The following GABRG1 variants were observed in gnomAD, a reference collection of about 807,000 sequenced individuals.
GABRG1 encodes gamma-aminobutyric acid type A receptor subunit gamma1.
Under a neutral mutation model 49.8 loss-of-function variants are expected in GABRG1, and 49 were observed. The observed-to-expected ratio is 0.98, with a 90% CI of 0.78 to 1.25. GABRG1 has a LOEUF of 1.25. Ranked by LOEUF, GABRG1 falls within the 50% of genes most tolerant of loss-of-function variation. The probability of loss-of-function intolerance (pLI) is 0.00; values close to 1 mark genes in which losing one functional copy is unlikely to be tolerated. For synonymous variants in GABRG1, 232 were observed against 185.1 expected (o/e 1.25, Z -2.06); for missense variants, 552 against 552.3 (o/e 1.00, Z 0.01).
intron 3 of GABRG1, among the ~76,000 whole-genome samples, chr4:46,073,827 C>T (rs375241505): frequency 1.3e-5 from 2 of 152,066 alleles, no homozygotes; most frequent in African/African-American, 4.8e-5. Context: ...TAACAAAATA[C>T]TGTACTGAAA....
At chr4:46,043,971 G>C (rs1382532392) in intron 8 of GABRG1, among the ~76,000 whole-genome samples, 1 of 151,642 alleles carries the variant, frequency 6.6e-6, no homozygotes, top group East Asian at 1.9e-4. Flanking sequence ...TATACCATCT[G>C]CTAAAATTAT....
At chr4:46,095,667 T>C (rs1720141660) in intron 2 of GABRG1, among the ~76,000 whole-genome samples, 1 of 151,774 alleles carries the variant, frequency 6.6e-6, no homozygotes, top group South Asian at 2.1e-4. Flanking sequence ...AAAACATAAA[T>C]TGAGGATTTT....
rs183032703 is a variant in GABRG1, at chr4:46,064,666, A to G, written c.543-143T>C. ...ATATAATAATGATTCTAAAGTCTCA[A>G]AGTCTTAAATAGCAATAATATTATA... On this transcript the variant is annotated intron_variant, in intron 4 of 8. Coordinates refer to ENST00000295452, the MANE Select transcript of GABRG1 (RefSeq NM_173536.4). 7.7e-4 allele frequency: 312 copies of G among 406,490 alleles called. 2 individuals are homozygous for G. The highest frequency in any genetic ancestry group is 5.9e-3 in the African/African-American group (283 of 48,086). 25.2% of individuals were successfully genotyped at this position (406,490 alleles called of 1,614,324 possible).
intron 3 of GABRG1, among the ~76,000 whole-genome samples, chr4:46,077,938 C>T (rs1258149445): frequency 6.6e-6 from 1 of 151,484 alleles, no homozygotes; most frequent in Non-Finnish European, 1.5e-5. Flanking sequence ...TCAATGAACA[C>T]ACTGGATAAA....
intron 1 of GABRG1, among the ~76,000 whole-genome samples, chr4:46,108,361 C>T (rs1437344375): frequency 6.6e-6 from 1 of 151,010 alleles, no homozygotes; most frequent in African/African-American, 2.4e-5. Context: ...TTTTGCACAG[C>T]CACTTGAACT....
chr4:46,103,659 T>A (rs749593562), intron 1 of GABRG1, among the ~76,000 whole-genome samples: 16 of 151,392 alleles, frequency 1.1e-4, no homozygotes, highest in Admixed American at 2.0e-4. Context: ...AAAAAATAAA[T>A]AAATATGTTC....
At chr4:46,060,126 G>A (rs997520658) in intron 5 of GABRG1, among the ~76,000 whole-genome samples, 4 of 152,018 alleles carry the variant, frequency 2.6e-5, no homozygotes, top group Middle Eastern at 3.2e-3. Context: ...CTTTTTGAAC[G>A]AACCAAGTGA....
At chr4:46,047,224 T>C (rs1247339607) in intron 8 of GABRG1, among the ~76,000 whole-genome samples, 1 of 152,108 alleles carries the variant, frequency 6.6e-6, no homozygotes, top group East Asian at 1.9e-4. Flanking sequence ...TTAGTGGCTA[T>C]TATATTGGAC....
Position 46,050,741 on chromosome 4 carries a change from T to C in GABRG1, c.1131+683A>G, listed in dbSNP as rs909688153. Among the ~76,000 whole-genome samples the C allele has an allele frequency of 6.9e-4, 105 of 151,950 alleles. 2 individuals are homozygous for C. The highest frequency in any genetic ancestry group is 6.4e-3 in the Admixed American group (97 of 15,180). On this transcript the variant is annotated intron_variant, in intron 8 of 8. Transcript: ENST00000295452. ...ACTGAGGCTGTTCTTGTGTAAATCA[T>C]TGAACCTCTACTTAGAGAGTTGCTC...
intron 3 of GABRG1, among the ~76,000 whole-genome samples, chr4:46,083,730 T>G (rs987646433): frequency 1.3e-5 from 2 of 151,580 alleles, no homozygotes; most frequent in African/African-American, 4.8e-5. Flanking sequence ...GACCTCTTCT[T>G]GGTGGATCAG....
chr4:46,097,052 T>C lies in GABRG1; in HGVS notation c.253+149A>G, dbSNP rs184497037. On this transcript the variant is annotated intron_variant, in intron 2 of 8. Coordinates refer to ENST00000295452, the MANE Select transcript of GABRG1 (RefSeq NM_173536.4). ...TCAGACTGTGAACTCCTCAAAACAT[T>C]AGTGACCATTCTAACCAATAATCTT... 28 of 640,334 alleles carry C rather than the reference T, an allele frequency of 4.4e-5. No homozygotes were observed. The East Asian group carries it at 8.5e-4, about 20-fold the overall frequency. The allele number at this position is 640,334 out of a possible 1,614,324, so 39.7% of individuals were successfully genotyped here.
intron 3 of GABRG1, among the ~76,000 whole-genome samples, chr4:46,078,470 G>A (rs1047561979): frequency 3.3e-5 from 5 of 151,936 alleles, no homozygotes; most frequent in Admixed American, 6.6e-5. Flanking sequence ...AAGGGAGAGA[G>A]GGACAGAGAA....
chr4:46,089,318 C>T (rs138131906), intron 2 of GABRG1, among the ~76,000 whole-genome samples: 2 of 152,102 alleles, frequency 1.3e-5, no homozygotes, highest in South Asian at 2.1e-4. Context: ...AAGCCTTTAA[C>T]TTACACCTAA....
At chr4:46,065,753 C>T (rs961582840) in intron 3 of GABRG1, among the ~76,000 whole-genome samples, 169 bp from the exon 4 acceptor site, 2 of 152,116 alleles carry the variant, frequency 1.3e-5, no homozygotes, top group African/African-American at 2.4e-5. Flanking sequence ...GACAGAGTCT[C>T]GCTCTGTCTC....
At chr4:46,072,812 TTAAG>T (rs1719180924) in intron 3 of GABRG1, among the ~76,000 whole-genome samples, 1 of 150,160 alleles carries the variant, frequency 6.7e-6, no homozygotes, top group Non-Finnish European at 1.5e-5. Flanking sequence ...AATTTTTTAA[TTAAG>T]TGAGATATAA....
intron 3 of GABRG1, among the ~76,000 whole-genome samples, chr4:46,075,174 C>T (rs566457095): frequency 3.2e-4 from 48 of 151,864 alleles, no homozygotes; most frequent in African/African-American, 9.9e-4. Context: ...ACTTTCAGTC[C>T]GTAAGTACCA....
chr4:46,052,064 C>T (rs1718245311), intron 7 of GABRG1, among the ~76,000 whole-genome samples: 1 of 151,772 alleles, frequency 6.6e-6, no homozygotes, highest in South Asian at 2.1e-4. Context: ...ACAAGGAATG[C>T]CCTTCTTTCC....
At chr4:46,066,664 C>T (rs1434614167) in intron 3 of GABRG1, among the ~76,000 whole-genome samples, 1 of 151,998 alleles carries the variant, frequency 6.6e-6, no homozygotes, top group Non-Finnish European at 1.5e-5. Context: ...TCCATAGTAA[C>T]TGTAATTAGG....
rs553684902 is a variant in GABRG1, at chr4:46,039,270, T to C, written c.*1718A>G. On this transcript the variant is annotated 3_prime_UTR_variant, in exon 9 of 9. Coordinates refer to ENST00000295452, the MANE Select transcript of GABRG1 (RefSeq NM_173536.4). ...TCAAGAAAAGCAGTGTCGGTGGATATTGGGCATTACCATTTGATTCATGCT... is the reference window on the plus strand; with the variant it reads ...TCAAGAAAAGCAGTGTCGGTGGATACTGGGCATTACCATTTGATTCATGCT... 1.3e-5 allele frequency: 2 copies of C among 151,710 alleles called. No homozygotes were observed. The highest frequency in any genetic ancestry group is 4.2e-4 in the South Asian group (2 of 4,816). 9.4% of individuals were successfully genotyped at this position (151,710 alleles called of 1,614,324 possible).
Sources: gnomAD v4.1 joint callset for allele counts (sites outside exome capture counted in the v4.1 genomes callset) on GRCh38, gnomAD v4.1.1 for gene constraint, MANE v1.5 for transcripts, NCBI Gene and HGNC (gene_info 2026-07-23, HGNC 2026-07-21) for gene names.